Variants in GRIK4 observed in about 807,000 individuals in gnomAD.
GRIK4 encodes the protein glutamate ionotropic receptor kainate type subunit 4, also known as glutamate receptor ionotropic, kainate 4.
A neutral mutation model predicts 104.9 loss-of-function variants in GRIK4; 40 were observed. The ratio of observed to expected loss-of-function variants is 0.38; its 90% confidence interval spans 0.30 to 0.50. The LOEUF is 0.50. Among genes scored for constraint, GRIK4 ranks in the 20% least tolerant of loss-of-function variants. GRIK4 has a pLI of 0.93. For synonymous variants in GRIK4, 485 were observed against 524.9 expected, an observed-to-expected ratio of 0.92 and a Z score of 1.04; for missense variants, 1,047 against 1,308.1, an observed-to-expected ratio of 0.80 and a Z score of 3.08.
At chr11:120,972,311 C>T (rs1449101096) in intron 19 of GRIK4, among the ~76,000 whole-genome samples, 4 of 152,118 alleles carry the variant, frequency 2.6e-5, no homozygotes, top group Admixed American at 1.3e-4. Flanking sequence ...GAGCTCTTGG[C>T]GGCATTCATG....
rs1942839357 is a variant in GRIK4, at chr11:120,905,212, G to A, written c.1273-78G>A. 1.9e-6 allele frequency: 2 copies of A among 1,031,058 alleles called. No homozygotes were observed. The highest frequency in any genetic ancestry group is 1.3e-5 in the South Asian group (1 of 78,932). The allele number at this position is 1,031,058 out of a possible 1,614,324, so 63.9% of individuals were successfully genotyped here. ...CCCCATGTCCTCCCCGACCCTCTGT[G>A]CCCCTGGCCCTCCCCATCACACGCG... On this transcript the variant is annotated intron_variant, in intron 12 of 20. Transcript: ENST00000527524. The surrounding 1 kb of genome is among the most constrained non-coding windows in gnomAD (Gnocchi z 5.1).
At chr11:120,512,588 G>A (rs1307756399) in intron 1 of GRIK4, among the ~76,000 whole-genome samples, 1 of 144,858 alleles carries the variant, frequency 6.9e-6, no homozygotes, top group Non-Finnish European at 1.5e-5. Flanking sequence ...GTTCATCCGA[G>A]TGGGAAGTGA....
chr11:120,579,267 G>A (rs1948532688), intron 1 of GRIK4, among the ~76,000 whole-genome samples: 1 of 152,098 alleles, frequency 6.6e-6, no homozygotes, highest in Non-Finnish European at 1.5e-5. Flanking sequence ...TGGGGGTGCG[G>A]AATGATGGGG....
intron 1 of GRIK4, among the ~76,000 whole-genome samples, chr11:120,641,469 A>T (rs1370147221): frequency 6.6e-6 from 1 of 151,994 alleles, no homozygotes; most frequent in African/African-American, 2.4e-5. Flanking sequence ...TCTTGATTAT[A>T]TGCTAAGCAA....
In GRIK4 at chr11:120,934,644, A is replaced by G. The variant is rs975985652; in HGVS notation, c.1477-5703A>G. Reference sequence around the variant, plus strand: ...CCTGCCCTCCCCTTGTAAACTCTACAAACATCCAGGAGATAAAAGAGGGGA... The same window carrying G: ...CCTGCCCTCCCCTTGTAAACTCTACGAACATCCAGGAGATAAAAGAGGGGA... On this transcript the variant is annotated intron_variant, in intron 13 of 20. Transcript: ENST00000527524. Among the ~76,000 whole-genome samples the G allele has an allele frequency of 6.6e-5, 10 of 152,306 alleles. No homozygotes were observed. In the South Asian group the frequency reaches 2.1e-3, roughly 32 times the overall value.
At chr11:120,935,064 G>A (rs187188702) in intron 13 of GRIK4, among the ~76,000 whole-genome samples, 6 of 152,294 alleles carry the variant, frequency 3.9e-5, no homozygotes, top group East Asian at 3.9e-4. Context: ...ACTGCTGACC[G>A]CCATCATCCA....
chr11:120,949,814 T>C (rs941582908), intron 14 of GRIK4, among the ~76,000 whole-genome samples: 7 of 152,194 alleles, frequency 4.6e-5, no homozygotes, highest in Non-Finnish European at 1.5e-5. Flanking sequence ...TGCCAATGAT[T>C]TGAGCGAGGC....
chr11:120,680,252 AT>A (rs1232213896), intron 3 of GRIK4, among the ~76,000 whole-genome samples: 1 of 152,046 alleles, frequency 6.6e-6, no homozygotes, highest in East Asian at 1.9e-4. Context: ...TAATTTTTAT[AT>A]TTTTAGTAGA....
intron 18 of GRIK4, 21 bp downstream of exon 18, chr11:120,962,702 C>T: frequency 6.5e-7 from 1 of 1,543,146 alleles, no homozygotes; most frequent in Middle Eastern, 1.7e-4. Flanking sequence ...GAGGAACAGC[C>T]TCTTTGGGTA....
At chr11:120,861,093 CTTTTTTT>C (rs547199127) in intron 8 of GRIK4, among the ~76,000 whole-genome samples, 41 of 86,558 alleles carry the variant, frequency 4.7e-4, no homozygotes, top group African/African-American at 4.0e-4. Flanking sequence ...AAATCATCCT[CTTTTTTT>C]TTTTTTTTTT....
At chr11:120,962,308 G>A (rs1198858571) in intron 17 of GRIK4, 148 bp from the exon 18 acceptor site, 5 of 609,900 alleles carry the variant, frequency 8.2e-6, no homozygotes, top group Non-Finnish European at 1.5e-5. Flanking sequence ...TGTGTTGAGA[G>A]ACAGAAAGGG....
chr11:120,864,707 C>G (rs1954359845), intron 9 of GRIK4, among the ~76,000 whole-genome samples: 1 of 152,336 alleles, frequency 6.6e-6, no homozygotes, highest in Non-Finnish European at 1.5e-5. Context: ...GGGTATCTTC[C>G]TTTGCATTGA....
intron 1 of GRIK4, among the ~76,000 whole-genome samples, chr11:120,644,826 G>A (rs1949520081): frequency 6.6e-6 from 1 of 152,100 alleles, no homozygotes. Flanking sequence ...CGGTCTTAGA[G>A]CATGTTAAGA....
rs375550322 is a variant in GRIK4, at chr11:120,601,034, A to G, written c.-158-52651A>G. Among the ~76,000 whole-genome samples, 35 of 152,314 alleles carry G rather than the reference A, an allele frequency of 2.3e-4. No homozygotes were observed. In the South Asian group the frequency reaches 6.8e-3, roughly 30 times the overall value. On this transcript the variant is annotated intron_variant, in intron 1 of 20. Transcript: ENST00000527524. ...CGTGCCACTGCACTCTAGCCTGGTGACAGAGTGAGACCTTGTCACAAACAA... is the reference window on the plus strand; with the variant it reads ...CGTGCCACTGCACTCTAGCCTGGTGGCAGAGTGAGACCTTGTCACAAACAA...
intron 1 of GRIK4, among the ~76,000 whole-genome samples, chr11:120,554,985 G>C (rs1265014963): frequency 6.6e-6 from 1 of 152,154 alleles, no homozygotes; most frequent in Non-Finnish European, 1.5e-5. Context: ...GGCAGAGGGA[G>C]ACCGCAACCA....
chr11:120,646,613 C>G (rs1272547591), intron 1 of GRIK4, among the ~76,000 whole-genome samples: 1 of 152,160 alleles, frequency 6.6e-6, no homozygotes, highest in African/African-American at 2.4e-5. Context: ...ATTAATTAAT[C>G]AATCATACAC....
At chr11:120,656,516 C>T (rs1340167986) in intron 2 of GRIK4, among the ~76,000 whole-genome samples, 1 of 152,148 alleles carries the variant, frequency 6.6e-6, no homozygotes, top group East Asian at 1.9e-4. Context: ...TCTAGGGGGT[C>T]ACAGAGCTGA....
chr11:120,564,116 G>GGC (rs1046306601), intron 1 of GRIK4, among the ~76,000 whole-genome samples: 13 of 152,198 alleles, frequency 8.5e-5, no homozygotes, highest in African/African-American at 3.1e-4. Flanking sequence ...GAAGGGCCCG[G>GGC]GCGCGCAGGC....
intron 3 of GRIK4, among the ~76,000 whole-genome samples, chr11:120,753,297 CTGTGTGTGTGTGTGTGTGTGTG>C (rs57423619): frequency 2.3e-5 from 3 of 130,202 alleles, no homozygotes; most frequent in Non-Finnish European, 4.7e-5. Context: ...CAACACAACT[CTGTGTGTGTGTGTGTGTGTGTG>C]TGTGTGTGTG....
Sources: allele counts gnomAD v4.1 joint callset (sites outside exome capture counted in the v4.1 genomes callset), GRCh38; gene constraint gnomAD v4.1.1; non-coding constraint Gnocchi (gnomAD v3.1); transcripts MANE v1.5; gene names NCBI Gene and HGNC (gene_info 2026-07-23, HGNC 2026-07-21).